Variants in NAP1L4 observed in about 807,000 individuals in gnomAD.
NAP1L4 encodes the protein nucleosome assembly protein 1 like 4.
NAP1L4 carries 15 observed loss-of-function variants against 58.2 expected under a neutral mutation model. That is an observed-to-expected ratio of 0.26 (90% CI 0.17 to 0.40). The LOEUF (loss-of-function observed/expected upper bound fraction) is 0.40. Ranked by LOEUF, NAP1L4 falls within the 10% of genes least tolerant of loss-of-function variation. The pLI is 1.00. For missense variants in NAP1L4, 384 were observed against 451.1 expected (o/e 0.85, Z 1.35); for synonymous variants, 171 against 155.6 (o/e 1.10, Z -0.74).
At chr11:2,990,694 G>C (rs1009570143) in intron 1 of NAP1L4, 2 of 157,668 alleles carry the variant, frequency 1.3e-5, no homozygotes, top group African/African-American at 4.8e-5. Context: ...TTTAAGCTTT[G>C]TCACCTCGGA....
rs757130947 is a variant in NAP1L4, at chr11:2,971,053, C to A, written c.402+395G>T. Among the ~76,000 whole-genome samples, 1 of 152,162 alleles carries A rather than the reference C, an allele frequency of 6.6e-6. No homozygotes were observed. The highest frequency in any genetic ancestry group is 1.5e-5 in the Non-Finnish European group (1 of 68,028). ...CCACCATCTGCAACCAATCCACTGG[C>A]GGAGCACCTCTCAGGGGGCAAGCTA... On this transcript the variant is annotated intron_variant, in intron 6 of 15. Transcript: ENST00000380542. This position sits in a 1 kb window ranked among gnomAD's most constrained non-coding sequence, Gnocchi z 4.2.
intron 1 of NAP1L4, among the ~76,000 whole-genome samples, chr11:2,988,433 C>G (rs529647850): frequency 7.9e-4 from 121 of 152,352 alleles, no homozygotes; most frequent in African/African-American, 2.8e-3. Context: ...GTCTGTCTCC[C>G]ATAGCAGAAA....
In NAP1L4 at chr11:2,971,640, T is replaced by C. The variant is rs888783643; in HGVS notation, c.316-106A>G. ...ACTAAAAGACTTTGAAAACTGGATA[T>C]TTTTATAACTTATTTTAAGATTCTA... is the stretch of plus-strand genomic sequence containing the variant. On this transcript the variant is annotated intron_variant, in intron 5 of 15. Transcript: ENST00000380542. This position sits in a 1 kb window ranked among gnomAD's most constrained non-coding sequence, Gnocchi z 4.2. The C allele has an allele frequency of 9.6e-6, 8 of 833,812 alleles. No homozygotes were observed. The Admixed American group carries it at 1.4e-4, about 15-fold the overall frequency. 51.7% of individuals were successfully genotyped at this position (833,812 alleles called of 1,614,324 possible). A position where few individuals can be genotyped will look rare whatever the true frequency, so the allele number is the denominator to read the frequency against.
At chr11:2,969,324 A>C (rs1158529959) in intron 7 of NAP1L4, among the ~76,000 whole-genome samples, 2 of 152,006 alleles carry the variant, frequency 1.3e-5, no homozygotes, top group East Asian at 3.9e-4. Flanking sequence ...ATGATCAGAA[A>C]ATATTAGCAA....
Position 2,954,858 on chromosome 11 carries a change from A to C in NAP1L4, c.916-212T>G. 1.6e-6 allele frequency: 1 copy of C among 613,696 alleles called. No homozygotes were observed. Among genetic ancestry groups the C allele is most frequent in the Non-Finnish European group, 2.9e-6 (1 of 350,736 alleles). 38.0% of individuals were successfully genotyped at this position (613,696 alleles called of 1,614,324 possible). A position where few individuals can be genotyped will look rare whatever the true frequency, so the allele number is the denominator to read the frequency against. On this transcript the variant is annotated intron_variant, in intron 11 of 15. Coordinates refer to ENST00000380542, the MANE Select transcript of NAP1L4 (RefSeq NM_005969.4). The surrounding 1 kb of genome is among the most constrained non-coding windows in gnomAD (Gnocchi z 4.8). Reference sequence around the variant, plus strand: ...GAGCTACTGAAGCAAAATGGCAGAGAAAGTGGGAAGTGAGGGCCCTACAGC... The same window carrying C: ...GAGCTACTGAAGCAAAATGGCAGAGCAAGTGGGAAGTGAGGGCCCTACAGC...
At chr11:2,966,905 A>C (rs528260647) in intron 7 of NAP1L4, among the ~76,000 whole-genome samples, 32 of 152,340 alleles carry the variant, frequency 2.1e-4, no homozygotes, top group African/African-American at 7.2e-4. Context: ...TCAAAACTTT[A>C]AATGTCCAGG....
chr11:2,970,910 A>G (rs973968678), intron 6 of NAP1L4, among the ~76,000 whole-genome samples: 1 of 151,544 alleles, frequency 6.6e-6, no homozygotes, highest in Non-Finnish European at 1.5e-5. Flanking sequence ...CTTGTCTCCC[A>G]AACATAAAAT....
At chr11:2,983,440 CT>C (rs1201362057) in intron 1 of NAP1L4, among the ~76,000 whole-genome samples, 1 of 152,138 alleles carries the variant, frequency 6.6e-6, no homozygotes, top group Non-Finnish European at 1.5e-5. Context: ...CAGTCTCAAA[CT>C]CCTAGCCTCA....
rs1177089195 is a variant in NAP1L4 at position 2,951,341 on chromosome 11, TG to T, written c.1066-27del. The T allele has an allele frequency of 1.2e-6, 2 of 1,600,552 alleles. No individual in the cohort carries two copies. Among genetic ancestry groups the T allele is most frequent in the East Asian group, 2.2e-5 (1 of 44,790 alleles). On this transcript the variant is annotated intron_variant, in intron 13 of 15. Coordinates refer to ENST00000380542, the MANE Select transcript of NAP1L4 (RefSeq NM_005969.4). This position sits in a 1 kb window ranked among gnomAD's most constrained non-coding sequence, Gnocchi z 4.0. ...CTGTATTTAAAAAGTGAGAATTAGC[TG>T]GAATGACAAGATTTAAACTCTTGTG...
In NAP1L4 at chr11:2,954,008, G is replaced by C. The variant is rs1261948417; in HGVS notation, c.1035+519C>G. Among the ~76,000 whole-genome samples the C allele has an allele frequency of 6.6e-6, 1 of 152,242 alleles. No homozygotes were observed. The highest frequency in any genetic ancestry group is 1.5e-5 in the Non-Finnish European group (1 of 68,050). On this transcript the variant is annotated intron_variant, in intron 12 of 15. Transcript: ENST00000380542. This position sits in a 1 kb window ranked among gnomAD's most constrained non-coding sequence, Gnocchi z 4.8. ...ACCCGCAAGTTCTGACTGTGGAAGA[G>C]CTGGCTTCCCTCAAGCCCAGAAAGG...
At chr11:2,979,407 T>C (rs537722840) in intron 1 of NAP1L4, among the ~76,000 whole-genome samples, 170 bp from the exon 2 acceptor site, 6 of 152,330 alleles carry the variant, frequency 3.9e-5, no homozygotes, top group African/African-American at 7.2e-5. Flanking sequence ...CCTGAGTATA[T>C]ACACTTGTTA....
At chr11:2,979,876 G>T in intron 1 of NAP1L4, among the ~76,000 whole-genome samples, 1 of 151,888 alleles carries the variant, frequency 6.6e-6, no homozygotes. Context: ...AATACATTCG[G>T]CAACACAAAC....
chr11:2,956,787 T>C (rs11826664), intron 10 of NAP1L4, among the ~76,000 whole-genome samples: 4,128 of 152,292 alleles, frequency 0.027, 188 homozygotes, highest in African/African-American at 0.094. Context: ...GGCTTTGCAG[T>C]TTTAAGGACA....
At chr11:2,978,412 G>A in intron 2 of NAP1L4, 70 bp from the exon 3 acceptor site, 1 of 1,417,476 alleles carries the variant, frequency 7.1e-7, no homozygotes, top group Middle Eastern at 1.8e-4. Context: ...AAATGGACAT[G>A]TTTCTTATTC....
intron 8 of NAP1L4, among the ~76,000 whole-genome samples, chr11:2,962,225 T>C (rs1413757758): frequency 6.6e-6 from 1 of 152,288 alleles, no homozygotes; most frequent in African/African-American, 2.4e-5. Flanking sequence ...GGTTCAAGTA[T>C]GCTGATCATA....
At chr11:2,968,416 T>A (rs1395954941) in intron 7 of NAP1L4, among the ~76,000 whole-genome samples, 1 of 152,040 alleles carries the variant, frequency 6.6e-6, no homozygotes, top group Non-Finnish European at 1.5e-5. Flanking sequence ...AAGTATGGTC[T>A]AGTCTTCTTA....
At position 2,959,299 on chromosome 11, in the gene NAP1L4, TTC is replaced by T. The variant is rs1308897007; in HGVS notation, c.746+469_746+470del. ...CTGGAGAAATTAATTCTAAACCAAA[TTC>T]TCTCTTTAGTGATTTATAAAGACTG... On this transcript the variant is annotated intron_variant, in intron 9 of 15. Coordinates refer to ENST00000380542, the MANE Select transcript of NAP1L4 (RefSeq NM_005969.4). This position sits in a 1 kb window ranked among gnomAD's most constrained non-coding sequence, Gnocchi z 4.9. Among the ~76,000 whole-genome samples the T allele has an allele frequency of 3.9e-5, 6 of 152,314 alleles. No homozygotes were observed. In the South Asian group the frequency reaches 1.2e-3, roughly 32 times the overall value.
Position 2,978,315 on chromosome 11 carries a change from G to A in NAP1L4, c.42C>T (p.Ser14=), listed in dbSNP as rs748238908. The change falls in exon 3 of 16, where the codon TCC becomes TCT. Residue 14 remains serine, a synonymous_variant. Coordinates refer to ENST00000380542, the MANE Select transcript of NAP1L4 (RefSeq NM_005969.4). ...TACTTGCATTTTTAGCAGCTTCCAC[G>A]GAATCTGAAGGAACCCCATCTGAAA... ...HSFSDGVPSD[S]VEAAKNASNT... is the part of the protein sequence containing the mutation. 9.9e-6 allele frequency: 16 copies of A among 1,613,780 alleles called. No homozygotes were observed. The East Asian group carries it at 1.3e-4, about 13-fold the overall frequency.
chr11:2,958,287 C>T, intron 10 of NAP1L4, 112 bp downstream of exon 10: 1 of 1,137,490 alleles, frequency 8.8e-7, no homozygotes, highest in Non-Finnish European at 1.3e-6. Context: ...CCCCTACTGA[C>T]CACACTTGCC....
Sources: allele counts gnomAD v4.1 joint callset (sites outside exome capture counted in the v4.1 genomes callset), GRCh38; gene constraint gnomAD v4.1.1; non-coding constraint Gnocchi (gnomAD v3.1); transcripts MANE v1.5; gene names NCBI Gene and HGNC (gene_info 2026-07-23, HGNC 2026-07-21).